The following ANKRD28 variants were observed in gnomAD, a reference collection of about 807,000 sequenced individuals.
ANKRD28 encodes serine/threonine-protein phosphatase 6 regulatory ankyrin repeat subunit A.
A neutral mutation model predicts 126.5 loss-of-function variants in ANKRD28; 44 were observed. The observed-to-expected ratio is 0.35, with a 90% confidence interval of 0.27 to 0.45. The LOEUF (loss-of-function observed/expected upper bound fraction) is 0.45. Among genes scored for constraint, ANKRD28 ranks in the 20% least tolerant of loss-of-function variants. The pLI is 1.00. For missense variants in ANKRD28, 1,110 were observed against 1,316.6 expected (o/e 0.84, Z 2.43); for synonymous variants, 442 against 468.5 (o/e 0.94, Z 0.73).
At chr3:15,675,308 G>A (rs2066817588) in intron 27 of ANKRD28, among the ~76,000 whole-genome samples, 1 of 152,108 alleles carries the variant, frequency 6.6e-6, no homozygotes, top group African/African-American at 2.4e-5. Flanking sequence ...AAGAATGGAA[G>A]AATGAGAGGA....
At chr3:15,728,458 T>C (rs1256576847) in intron 6 of ANKRD28, among the ~76,000 whole-genome samples, 1 of 152,142 alleles carries the variant, frequency 6.6e-6, no homozygotes, top group Non-Finnish European at 1.5e-5. Flanking sequence ...CACACTGGGC[T>C]AATCTTTAAA....
chr3:15,745,498 T>C (rs527706147), intron 4 of ANKRD28, among the ~76,000 whole-genome samples: 1 of 152,308 alleles, frequency 6.6e-6, no homozygotes, highest in African/African-American at 2.4e-5. Context: ...TTTGTTTGCT[T>C]TGTCAAAGAT....
chr3:15,672,416 A>G (rs779963483), intron 27 of ANKRD28, among the ~76,000 whole-genome samples: 24 of 152,306 alleles, frequency 1.6e-4, no homozygotes, highest in Non-Finnish European at 2.8e-4. Context: ...TGCTGGGATT[A>G]TAGGAGTAAG....
At position 15,797,584 on chromosome 3, in the gene ANKRD28, A is replaced by T; in HGVS notation, c.-1063T>A. On this transcript the variant is annotated 5_prime_UTR_variant, in exon 1 of 28. It removes an upstream start codon present in the reference 5' UTR. Transcript: ENST00000683139. ...AAAAAAAAAAAGGGGGGGGAAAAAC[A>T]TAGTAGTGTATCATTCCAGTGTTTC... 1 of 985,158 alleles carries T rather than the reference A, an allele frequency of 1.0e-6. No homozygotes were observed. Among genetic ancestry groups the T allele is most frequent in the Non-Finnish European group, 1.2e-6 (1 of 829,890 alleles). 61.0% of individuals were successfully genotyped at this position (985,158 alleles called of 1,614,324 possible).
chr3:15,808,289 T>A (rs1166469223), intron 1 of ANKRD28, among the ~76,000 whole-genome samples: 1 of 152,222 alleles, frequency 6.6e-6, no homozygotes, highest in Non-Finnish European at 1.5e-5. Flanking sequence ...TATTACTTCC[T>A]TCCATTTGAC....
At chr3:15,791,505 A>G (rs764379719) in intron 2 of ANKRD28, among the ~76,000 whole-genome samples, 3 of 152,144 alleles carry the variant, frequency 2.0e-5, no homozygotes, top group Non-Finnish European at 4.4e-5. Context: ...CCAAGAACAT[A>G]CACTGGGAAA....
At chr3:15,737,005 AAT>A in intron 5 of ANKRD28, 26 bp downstream of exon 5, 1 of 1,609,290 alleles carries the variant, frequency 6.2e-7, no homozygotes. Context: ...AGGAGAGAAA[AAT>A]AATGGTCTAA....
Position 15,824,864 on chromosome 3 carries a change from G to T in ANKRD28, c.28-29558C>A, listed in dbSNP as rs538765479. Among the ~76,000 whole-genome samples the T allele has an allele frequency of 3.9e-5, 6 of 152,334 alleles. No individual in the cohort carries two copies. In the East Asian group the frequency reaches 9.7e-4, roughly 25 times the overall value. ...GGCAGGATGCAAAGTTGACCAGGATGCAGGAGGACAGACTGGTAGAAATAT... is the reference window on the plus strand; with the variant it reads ...GGCAGGATGCAAAGTTGACCAGGATTCAGGAGGACAGACTGGTAGAAATAT... On this transcript the variant is annotated intron_variant, in intron 1 of 27. Coordinates refer to the ANKRD28 transcript ENST00000399451.
At chr3:15,794,743 A>G (rs1208953292) in intron 2 of ANKRD28, among the ~76,000 whole-genome samples, 2 of 152,194 alleles carry the variant, frequency 1.3e-5, no homozygotes, top group Non-Finnish European at 2.9e-5. Context: ...GCACCATTGT[A>G]AAACACTCAC....
At position 15,797,684 on chromosome 3, in the gene ANKRD28, T is replaced by G; in HGVS notation, c.-1163A>C. ...GAAAAAAATAGCAGACTGTGCATCT[T>G]CTTTGAGCCAACTACTTTATTCAGT... is the stretch of plus-strand genomic sequence containing the variant. On this transcript the variant is annotated 5_prime_UTR_variant, in exon 1 of 28. Coordinates refer to ENST00000683139, the MANE Select transcript of ANKRD28 (RefSeq NM_001349278.2). The G allele has an allele frequency of 4.1e-6, 4 of 985,430 alleles. No individual in the cohort carries two copies. Among genetic ancestry groups the G allele is most frequent in the Non-Finnish European group, 4.8e-6 (4 of 829,930 alleles). 61.0% of individuals were successfully genotyped at this position (985,430 alleles called of 1,614,324 possible).
chr3:15,802,918 C>G (rs1024147403), upstream of ANKRD28, among the ~76,000 whole-genome samples: 2 of 152,058 alleles, frequency 1.3e-5, no homozygotes, highest in African/African-American at 4.8e-5. Context: ...TCTAATGAAC[C>G]ATACACACAA....
Position 15,815,947 on chromosome 3 carries a change from T to A in ANKRD28, c.28-20641A>T, listed in dbSNP as rs2060823722. On this transcript the variant is annotated intron_variant, in intron 1 of 27. Coordinates refer to the ANKRD28 transcript ENST00000399451. The surrounding 1 kb of genome is among the most constrained non-coding windows in gnomAD (Gnocchi z 4.1). ...TGAGTACGTCCATTTAAAAAGTTAA[T>A]GTCTTCCCTGAGTCATGTATTTTAA... Among the ~76,000 whole-genome samples, 1 of 152,202 alleles carries A rather than the reference T, an allele frequency of 6.6e-6. No individual in the cohort carries two copies. Among genetic ancestry groups the A allele is most frequent in the Non-Finnish European group, 1.5e-5 (1 of 68,042 alleles).
At position 15,852,988 on chromosome 3, in the gene ANKRD28, A is replaced by C. The variant is rs543964245; in HGVS notation, c.27+6389T>G. On this transcript the variant is annotated intron_variant, in intron 1 of 27. Coordinates refer to the ANKRD28 transcript ENST00000399451. The stretch of plus-strand genomic sequence containing the variant: ...GAAGAATCCTGGTAACTTTTTTTTA[A>C]ATCAGTATCGCTTAAGGAGGGTGGA... Among the ~76,000 whole-genome samples, 60 of 152,230 alleles carry C rather than the reference A, an allele frequency of 3.9e-4. 2 individuals carry two copies. The highest frequency in any genetic ancestry group is 3.6e-3 in the Admixed American group (55 of 15,284).
At chr3:15,751,587 G>A (rs1298691318) in intron 4 of ANKRD28, among the ~76,000 whole-genome samples, 163 bp downstream of exon 4, 1 of 152,142 alleles carries the variant, frequency 6.6e-6, no homozygotes, top group Non-Finnish European at 1.5e-5. Flanking sequence ...AAGAAGAAAT[G>A]AAACAATTAA....
In ANKRD28 at chr3:15,749,101, G is replaced by GTTTTTTTTTTT. The variant is rs869266246; in HGVS notation, c.351+2638_351+2648dup. On this transcript the variant is annotated intron_variant, in intron 4 of 27. Coordinates refer to ENST00000683139, the MANE Select transcript of ANKRD28 (RefSeq NM_001349278.2). ...CTTTCATATTCTATATTATGTTTTT[G>GTTTTTTTTTTT]TTTTTTTTTTTTTTTTTTTTGAGAC... 1.5e-4 allele frequency among the ~76,000 whole-genome samples: 8 copies of GTTTTTTTTTTT among 53,082 alleles called. No homozygotes were observed. In the East Asian group the frequency reaches 2.6e-3, roughly 17 times the overall value. 34.8% of individuals were successfully genotyped at this position (53,082 alleles called of 152,430 possible).
intron 2 of ANKRD28, among the ~76,000 whole-genome samples, chr3:15,771,435 C>T (rs1053349734): frequency 1.3e-5 from 2 of 150,012 alleles, no homozygotes; most frequent in African/African-American, 4.9e-5. Context: ...AGGCATGGCA[C>T]CAGCATCTGC....
intron 2 of ANKRD28, among the ~76,000 whole-genome samples, chr3:15,782,716 C>T (rs977526915): frequency 5.9e-5 from 9 of 151,986 alleles, no homozygotes; most frequent in Non-Finnish European, 1.3e-4. Context: ...TGATCTGTGC[C>T]GAACCATCAG....
At chr3:15,822,704 GAACTA>G (rs146191661) in intron 1 of ANKRD28, among the ~76,000 whole-genome samples, 20,695 of 151,576 alleles carry the variant, frequency 0.14, 2,087 homozygotes, top group East Asian at 0.57. Context: ...CCTGGACAAT[GAACTA>G]AAGGGAACCA....
chr3:15,782,260 G>A (rs908347165), intron 2 of ANKRD28, among the ~76,000 whole-genome samples: 5 of 151,978 alleles, frequency 3.3e-5, no homozygotes, highest in Non-Finnish European at 7.4e-5. Flanking sequence ...AATAATTCCT[G>A]GAGCATGGAG....
Sources: allele counts gnomAD v4.1 joint callset (sites outside exome capture counted in the v4.1 genomes callset), GRCh38; gene constraint gnomAD v4.1.1; non-coding constraint Gnocchi (gnomAD v3.1); transcripts MANE v1.5; gene names NCBI Gene and HGNC (gene_info 2026-07-23, HGNC 2026-07-21).